SNX13: variants seen among roughly 807,000 people sequenced by gnomAD.
SNX13 encodes sorting nexin 13.
In SNX13, 45 loss-of-function variants were observed where a neutral mutation model predicts 133.6. The ratio of observed to expected loss-of-function variants is 0.34; its 90% CI spans 0.27 to 0.43. The LOEUF (loss-of-function observed/expected upper bound fraction) is 0.43, where lower values mean the gene tolerates loss of function less well. Ranked by LOEUF, SNX13 falls within the 20% of genes least tolerant of loss-of-function variation. SNX13 has a pLI of 1.00. For synonymous variants in SNX13, 414 were observed against 373.9 expected (o/e 1.11, Z -1.24); for missense variants, 1,032 against 1,145.1 (o/e 0.90, Z 1.43).
At chr7:17,881,409 C>G (rs1395937614) in intron 5 of SNX13, 1 of 151,828 alleles carries the variant, frequency 6.6e-6, no homozygotes, top group African/African-American at 2.4e-5. Context: ...AATATAATAA[C>G]CAATCACATA....
At chr7:17,914,370 C>G (rs139131452) in intron 1 of SNX13, among the ~76,000 whole-genome samples, 1 of 151,974 alleles carries the variant, frequency 6.6e-6, no homozygotes, top group African/African-American at 2.4e-5. Flanking sequence ...CATACAGATA[C>G]AAAAAAATTC....
rs1793179414 is a variant in SNX13 at position 17,864,834 on chromosome 7, AG to A, written c.837+3572del. Among the ~76,000 whole-genome samples, 5 of 151,858 alleles carry A rather than the reference AG, an allele frequency of 3.3e-5. No individual in the cohort carries two copies. The South Asian group carries it at 8.3e-4, about 25-fold the overall frequency. ...AAAGGGAAGGAGGAAGAGGAAGAGG[AG>A]GAGGAGGAGGAGCAGCAGCAGCAGC... On this transcript the variant is annotated intron_variant, in intron 9 of 25. Transcript: ENST00000428135.
At chr7:17,874,468 C>T (rs1251947104) in intron 7 of SNX13, among the ~76,000 whole-genome samples, 3 of 151,928 alleles carry the variant, frequency 2.0e-5, no homozygotes, top group African/African-American at 2.4e-5. Context: ...AGTCAGTACC[C>T]GAAACCCTCT....
chr7:17,921,313 C>T (rs1800103653), intron 1 of SNX13, among the ~76,000 whole-genome samples: 1 of 152,172 alleles, frequency 6.6e-6, no homozygotes, highest in African/African-American at 2.4e-5. Context: ...GAGATAAATA[C>T]ATTCAGTTAT....
At chr7:17,803,166 A>C (rs537824269) in intron 21 of SNX13, among the ~76,000 whole-genome samples, 1 of 152,302 alleles carries the variant, frequency 6.6e-6, no homozygotes, top group African/African-American at 2.4e-5. Flanking sequence ...TAACTTTACT[A>C]ATTTTCAGTT....
intron 1 of SNX13, 131 bp downstream of exon 1, chr7:17,940,153 G>A: frequency 8.2e-7 from 1 of 1,225,810 alleles, no homozygotes; most frequent in East Asian, 2.5e-5. Flanking sequence ...TAGGATCCCC[G>A]CTGCTCCTCG....
At chr7:17,828,799 A>T (rs553872602) in intron 16 of SNX13, among the ~76,000 whole-genome samples, 71 of 151,724 alleles carry the variant, frequency 4.7e-4, no homozygotes, top group African/African-American at 1.7e-3. Flanking sequence ...CAGACATGGA[A>T]TAAAGAAAAA....
At chr7:17,925,461 A>T (rs1426613799) in intron 1 of SNX13, among the ~76,000 whole-genome samples, 1 of 152,234 alleles carries the variant, frequency 6.6e-6, no homozygotes. Flanking sequence ...CAACTAAACA[A>T]CCCAGAGAAG....
At chr7:17,821,774 T>C in intron 17 of SNX13, 126 bp from the exon 18 acceptor site, 2 of 1,043,094 alleles carry the variant, frequency 1.9e-6, no homozygotes, top group Admixed American at 2.8e-5. Context: ...TGAAGAAGAA[T>C]CTGAAATGAC....
rs78060782 is a variant in SNX13 at position 17,863,845 on chromosome 7, G to A, written c.837+4562C>T. Among the ~76,000 whole-genome samples, 993 of 152,330 alleles carry A rather than the reference G, an allele frequency of 6.5e-3. 16 individuals carry two copies. Among genetic ancestry groups the A allele is most frequent in the East Asian group, 0.062 (322 of 5,176 alleles). ...AGAAACAGACCCTTTGTAATTAAGAGAAAGAGAGGGAAGAGCATGAAAGAC... is the reference window on the plus strand; with the variant it reads ...AGAAACAGACCCTTTGTAATTAAGAAAAAGAGAGGGAAGAGCATGAAAGAC... On this transcript the variant is annotated intron_variant, in intron 9 of 25. Coordinates refer to ENST00000428135, the MANE Select transcript of SNX13 (RefSeq NM_015132.5).
intron 12 of SNX13, among the ~76,000 whole-genome samples, chr7:17,841,588 A>ACACACG (rs1162993820): frequency 2.0e-5 from 3 of 150,136 alleles, no homozygotes; most frequent in Non-Finnish European, 4.5e-5. Flanking sequence ...ACACACGCAC[A>ACACACG]CACACCCCAA....
In SNX13 at chr7:17,868,484, G is replaced by T; in HGVS notation, c.760C>A (p.Leu254Ile). 1 of 1,600,304 alleles carries T rather than the reference G, an allele frequency of 6.2e-7. No homozygotes were observed. Among genetic ancestry groups the T allele is most frequent in the Non-Finnish European group, 8.5e-7 (1 of 1,174,454 alleles). ...KIMRYFVREI[L>I]ARGILLPLIN... ...AATGGAAGAAGAATTCCTCGTGCAA[G>T]GATTTCCTGAAAAAAAAGTAAATAA... Residue 254 changes from leucine to isoleucine, a missense_variant, in exon 9 of 26, where the codon CTT becomes ATT. Leu to Ile is a conservative substitution (Grantham distance 5, BLOSUM62 2). Transcript: ENST00000428135.
chr7:17,809,639 C>T (rs1246181724), intron 20 of SNX13, among the ~76,000 whole-genome samples: 2 of 152,196 alleles, frequency 1.3e-5, no homozygotes, highest in African/African-American at 4.8e-5. Flanking sequence ...ATCTACAGAA[C>T]TCTCCACCCC....
At chr7:17,801,189 TA>T in intron 22 of SNX13, among the ~76,000 whole-genome samples, 1 of 151,454 alleles carries the variant, frequency 6.6e-6, no homozygotes, top group Non-Finnish European at 1.5e-5. Context: ...AATGGAATAC[TA>T]TAAAGCCACA....
At chr7:17,827,772 A>G (rs576137824) in intron 16 of SNX13, among the ~76,000 whole-genome samples, 82 of 151,166 alleles carry the variant, frequency 5.4e-4, no homozygotes, top group African/African-American at 1.9e-3. Context: ...AATGCTTTGG[A>G]AAAAAAAAGG....
chr7:17,831,514 A>G, intron 15 of SNX13: 1 of 984,198 alleles, frequency 1.0e-6, no homozygotes, highest in Non-Finnish European at 1.2e-6. Flanking sequence ...CTAATTCTCT[A>G]CCTACTGTTA....
chr7:17,838,342 T>C (rs1348406075), intron 13 of SNX13, among the ~76,000 whole-genome samples: 1 of 151,988 alleles, frequency 6.6e-6, no homozygotes, highest in Non-Finnish European at 1.5e-5. Context: ...CTTTCATTTA[T>C]GAATTTGGTT....
intron 1 of SNX13, among the ~76,000 whole-genome samples, chr7:17,936,156 T>C (rs998786743): frequency 5.3e-5 from 8 of 152,232 alleles, no homozygotes; most frequent in African/African-American, 1.9e-4. Flanking sequence ...TCATCTTCTT[T>C]GAAAATAAAT....
At chr7:17,830,530 G>C (rs1788372115) in intron 15 of SNX13, 1 of 983,588 alleles carries the variant, frequency 1.0e-6, no homozygotes, top group Admixed American at 6.2e-5. Flanking sequence ...TCTTATTCTT[G>C]GTGGTAGATT....
Sources: gnomAD v4.1 joint callset for allele counts (sites outside exome capture counted in the v4.1 genomes callset) on GRCh38, gnomAD v4.1.1 for gene constraint, MANE v1.5 for transcripts, NCBI Gene and HGNC (gene_info 2026-07-23, HGNC 2026-07-21) for gene names.